Variants in ARL1 observed in about 807,000 individuals in gnomAD.
The protein encoded by ARL1 is ADP-ribosylation factor-like protein 1.
ARL1 carries 17 observed loss-of-function variants against 30.1 expected under a neutral mutation model. That is an observed-to-expected ratio of 0.56 (90% CI 0.39 to 0.85). The LOEUF (loss-of-function observed/expected upper bound fraction) is 0.85. ARL1 is among the 40% of genes least tolerant of loss of function. ARL1 has a pLI of 0.00. For synonymous variants in ARL1, 58 were observed against 71.7 expected (o/e 0.81, Z 0.97); for missense variants, 102 against 212.6 (o/e 0.48, Z 3.24).
chr12:101,397,307 C>T (rs183197295), intron 4 of ARL1, among the ~76,000 whole-genome samples: 275 of 152,158 alleles, frequency 1.8e-3, no homozygotes, highest in Non-Finnish European at 3.1e-3. Flanking sequence ...ATTCGAAATG[C>T]ACATGGGCTG....
chr12:101,407,549 G>A, intron 1 of ARL1, 93 bp downstream of exon 1: 1 of 1,557,500 alleles, frequency 6.4e-7, no homozygotes, highest in South Asian at 1.1e-5. Context: ...GGCTACTCTA[G>A]GGTATCCTGG....
At chr12:101,405,286 A>G (rs1255641923) in intron 2 of ARL1, among the ~76,000 whole-genome samples, 1 of 152,228 alleles carries the variant, frequency 6.6e-6, no homozygotes, top group Non-Finnish European at 1.5e-5. Context: ...TAAAATAGTA[A>G]CAAATACAGG....
At chr12:101,402,758 C>A in intron 3 of ARL1, 107 bp downstream of exon 3, 2 of 633,502 alleles carry the variant, frequency 3.2e-6, no homozygotes, top group Non-Finnish European at 2.5e-6. Context: ...AACTAGGTGG[C>A]TCCATTTAAA....
At chr12:101,397,971 A>G (rs549840356) in intron 4 of ARL1, among the ~76,000 whole-genome samples, 78 of 152,292 alleles carry the variant, frequency 5.1e-4, no homozygotes, top group Middle Eastern at 6.8e-3. Context: ...TATATTTGCC[A>G]TATCTGAGCT....
Position 101,395,398 on chromosome 12 carries a change from A to G in ARL1, c.*242T>C. 2.2e-6 allele frequency: 1 copy of G among 447,306 alleles called. No homozygotes were observed. The highest frequency in any genetic ancestry group is 3.9e-6 in the Non-Finnish European group (1 of 253,294). The allele number at this position is 447,306 out of a possible 1,614,324, so 27.7% of individuals were successfully genotyped here. ...TAAGAATTCCATACAAATAGAATATATACCTTAACACAAGAAAGCAAGAAA... is the reference window on the plus strand; with the variant it reads ...TAAGAATTCCATACAAATAGAATATGTACCTTAACACAAGAAAGCAAGAAA... On this transcript the variant is annotated 3_prime_UTR_variant, in exon 6 of 6. Transcript: ENST00000261636.
chr12:101,399,468 C>T (rs979283916), intron 4 of ARL1, among the ~76,000 whole-genome samples: 1 of 142,358 alleles, frequency 7.0e-6, no homozygotes, highest in Non-Finnish European at 1.5e-5. Context: ...GTGGAGATCA[C>T]GCCACTCACT....
In ARL1 at chr12:101,396,419, G is replaced by A; in HGVS notation, c.495C>T (p.Gly165=). 6.2e-7 allele frequency: 1 copy of A among 1,613,962 alleles called. No individual in the cohort carries two copies. Among genetic ancestry groups the A allele is most frequent in the Non-Finnish European group, 8.5e-7 (1 of 1,179,894 alleles). ...CTTGCCATTCCATTGCCTCATCAAGGCCGGTGCCTTTGGTTGCTGACGTTT... is the reference window on the plus strand; with the variant it reads ...CTTGCCATTCCATTGCCTCATCAAGACCGGTGCCTTTGGTTGCTGACGTTT... ...IFKTSATKGT[G]LDEAMEWLVE... is the part of the protein sequence containing the mutation. The change falls in exon 5 of 6, where the codon GGC becomes GGT. Residue 165 remains glycine (G), a synonymous_variant. Coordinates refer to ENST00000261636, the MANE Select transcript of ARL1 (RefSeq NM_001177.6).
rs888196562 is a variant in ARL1, at chr12:101,394,846, TTA to T, written c.*792_*793del. The T allele has an allele frequency of 1.3e-5, 2 of 152,168 alleles. No homozygotes were observed. The highest frequency in any genetic ancestry group is 2.4e-5 in the African/African-American group (1 of 41,440). The allele number at this position is 152,168 out of a possible 1,614,324, so 9.4% of individuals were successfully genotyped here. On this transcript the variant is annotated 3_prime_UTR_variant, in exon 6 of 6. Coordinates refer to ENST00000261636, the MANE Select transcript of ARL1 (RefSeq NM_001177.6). ...CATTTTTGGGAATATATAGTATAGT[TTA>T]TGAGTCAAGCTTCTGAACCAAAAGT...
chr12:101,400,831 T>C (rs1871286703), intron 4 of ARL1, among the ~76,000 whole-genome samples: 1 of 152,210 alleles, frequency 6.6e-6, no homozygotes, highest in Non-Finnish European at 1.5e-5. Flanking sequence ...CTTCTGAACC[T>C]CCTGGAAAAT....
intron 5 of ARL1, chr12:101,396,180 A>T (rs1262565505): frequency 6.3e-6 from 4 of 630,964 alleles, no homozygotes; most frequent in Non-Finnish European, 1.1e-5. Context: ...AAAAATTGGC[A>T]AAGAATTTGC....
intron 4 of ARL1, among the ~76,000 whole-genome samples, chr12:101,398,036 A>T (rs146210028): frequency 6.5e-4 from 99 of 152,022 alleles, no homozygotes; most frequent in Non-Finnish European, 1.2e-3. Context: ...TGAATTCCTT[A>T]TATGTTCTTA....
intron 2 of ARL1, among the ~76,000 whole-genome samples, chr12:101,405,378 T>C (rs1035770323): frequency 6.6e-6 from 1 of 152,214 alleles, no homozygotes; most frequent in African/African-American, 2.4e-5. Context: ...TTACCTACTT[T>C]GTTTATTTCC....
Position 101,401,708 on chromosome 12 carries a change from G to A in ARL1, c.225-535C>T, listed in dbSNP as rs564477654. Among the ~76,000 whole-genome samples the A allele has an allele frequency of 5.5e-5, 8 of 144,238 alleles. No individual in the cohort carries two copies. The East Asian group carries it at 1.5e-3, about 27-fold the overall frequency. 94.6% of individuals were successfully genotyped at this position (144,238 alleles called of 152,430 possible). A position where few individuals can be genotyped will look rare whatever the true frequency, so the allele number is the denominator to read the frequency against. Reference sequence around the variant, plus strand: ...TCACAGGACCAGGGAGTTTCCAAATGAATTCATTCAGACTTCAGGCTGACA... The same window carrying A: ...TCACAGGACCAGGGAGTTTCCAAATAAATTCATTCAGACTTCAGGCTGACA... On this transcript the variant is annotated intron_variant, in intron 3 of 5. Coordinates refer to ENST00000261636, the MANE Select transcript of ARL1 (RefSeq NM_001177.6).
At chr12:101,398,990 T>C (rs1394864038) in intron 4 of ARL1, among the ~76,000 whole-genome samples, 1 of 152,114 alleles carries the variant, frequency 6.6e-6, no homozygotes, top group Non-Finnish European at 1.5e-5. Context: ...AAATACACTA[T>C]ATCATGTGAA....
In ARL1 at chr12:101,405,939, C is replaced by T. The variant is rs1441918855; in HGVS notation, c.47G>A (p.Arg16Gln). 1.9e-6 allele frequency: 3 copies of T among 1,570,046 alleles called. No individual in the cohort carries two copies. Among genetic ancestry groups the T allele is most frequent in the Admixed American group, 1.9e-5 (1 of 53,112 alleles). The stretch of plus-strand genomic sequence containing the variant: ...TCCCAAAATTAAAATTCTCATTTCC[C>T]GAGTTCCAAACAGACTGGAAAATAT... ...SSIFSSLFGTREMRILILGLD... is the reference protein window; with the variant it reads ...SSIFSSLFGTQEMRILILGLD... The change falls in exon 2 of 6, where the codon CGG becomes CAG. Residue 16 changes from arginine to glutamine, a missense_variant. Arg to Gln is a conservative substitution (Grantham distance 43). Transcript: ENST00000261636.
chr12:101,403,329 A>T (rs143883311), intron 2 of ARL1: 3 of 385,402 alleles, frequency 7.8e-6, no homozygotes, highest in South Asian at 6.0e-5. Flanking sequence ...AAAGGAAAAC[A>T]TAATTTTTAG....
chr12:101,395,078 G>A lies in ARL1; in HGVS notation c.*562C>T, dbSNP rs974230314. 5 of 152,480 alleles carry A rather than the reference G, an allele frequency of 3.3e-5. No individual in the cohort carries two copies. The East Asian group carries it at 9.6e-4, about 29-fold the overall frequency. 9.4% of individuals were successfully genotyped at this position (152,480 alleles called of 1,614,324 possible). On this transcript the variant is annotated 3_prime_UTR_variant, in exon 6 of 6. Coordinates refer to ENST00000261636, the MANE Select transcript of ARL1 (RefSeq NM_001177.6). ...AAAGTACTATAAAATGACACTTACA[G>A]ATAAGTCAGTGAAGTTAACCATCAA... is the stretch of plus-strand genomic sequence containing the variant.
chr12:101,406,952 G>T (rs1197620610), intron 1 of ARL1: 1 of 152,222 alleles, frequency 6.6e-6, no homozygotes, highest in African/African-American at 2.4e-5. Context: ...TTTGGAGGGT[G>T]AGAAACGAGT....
rs757240475 is a variant in ARL1, at chr12:101,407,673, T to G, written c.-28A>C. On this transcript the variant is annotated 5_prime_UTR_variant, in exon 1 of 6. Transcript: ENST00000261636. ...TGAACCCCCTGTCCTCCCTCGCCGA[T>G]CTTCAGTGATTCCTTGGCCTTCGGC... 7 of 1,612,358 alleles carry G rather than the reference T, an allele frequency of 4.3e-6. No homozygotes were observed. In the South Asian group the frequency reaches 7.7e-5, roughly 18 times the overall value.
Sources: gnomAD v4.1 joint callset for allele counts (sites outside exome capture counted in the v4.1 genomes callset) on GRCh38, gnomAD v4.1.1 for gene constraint, MANE v1.5 for transcripts, NCBI Gene and HGNC (gene_info 2026-07-23, HGNC 2026-07-21) for gene names.